CEP63: variants seen among roughly 807,000 people sequenced by gnomAD.
CEP63 encodes centrosomal protein of 63 kDa.
A neutral mutation model predicts 89.1 loss-of-function variants in CEP63; 84 were observed. That is an observed-to-expected ratio of 0.94 (90% confidence interval 0.79 to 1.13). The LOEUF (loss-of-function observed/expected upper bound fraction) is 1.13. Ranked by LOEUF, CEP63 falls within the 50% of genes most tolerant of loss-of-function variation. The probability of loss-of-function intolerance (pLI) is 0.00; values close to 1 mark genes in which losing one functional copy is unlikely to be tolerated. For synonymous variants in CEP63, 267 were observed against 272.5 expected, an observed-to-expected ratio of 0.98 and a Z score of 0.20; for missense variants, 838 against 813.3, an observed-to-expected ratio of 1.03 and a Z score of -0.37.
At chr3:134,497,980 A>G (rs1273702895) in intron 2 of CEP63, among the ~76,000 whole-genome samples, 1 of 152,132 alleles carries the variant, frequency 6.6e-6, no homozygotes, top group Non-Finnish European at 1.5e-5. Context: ...GCTTGGTAGT[A>G]TATTTTGAAG....
chr3:134,560,393 A>G (rs1957137799), intron 14 of CEP63, among the ~76,000 whole-genome samples: 1 of 152,250 alleles, frequency 6.6e-6, no homozygotes, highest in Non-Finnish European at 1.5e-5. Context: ...GCACTTCCAC[A>G]GTAATTCGTG....
At chr3:134,778,912 A>G in the CEP63 span, among the ~76,000 whole-genome samples, 1 of 152,170 alleles carries the variant, frequency 6.6e-6, no homozygotes, top group African/African-American at 2.4e-5. Context: ...CTGTCTTCTT[A>G]TGTGGCTCCA....
chr3:134,653,307 G>A, the CEP63 span, among the ~76,000 whole-genome samples: 1 of 152,178 alleles, frequency 6.6e-6, no homozygotes, highest in South Asian at 2.1e-4. Flanking sequence ...TCCAGACATT[G>A]ACCAATGTTT....
downstream of CEP63, among the ~76,000 whole-genome samples, chr3:134,578,874 A>G (rs945317475): frequency 6.6e-6 from 1 of 152,098 alleles, no homozygotes; most frequent in Non-Finnish European, 1.5e-5. Flanking sequence ...GTTCACTCTG[A>G]TGACAGTTTC....
the CEP63 span, among the ~76,000 whole-genome samples, chr3:134,682,008 A>T: frequency 6.6e-6 from 1 of 152,160 alleles, no homozygotes; most frequent in Admixed American, 6.5e-5. Context: ...GTGCCTCTGG[A>T]TCACCCAGCT....
the CEP63 span, among the ~76,000 whole-genome samples, chr3:134,751,463 T>G: frequency 6.6e-6 from 1 of 152,198 alleles, no homozygotes; most frequent in East Asian, 1.9e-4. Flanking sequence ...TTTTCATACC[T>G]CAGCCCGACC....
intron 10 of CEP63, among the ~76,000 whole-genome samples, chr3:134,585,196 G>T (rs1008557692): frequency 7.2e-5 from 11 of 151,896 alleles, no homozygotes; most frequent in African/African-American, 2.7e-4. Context: ...CTTCAGTTTT[G>T]CTCTGATCTT....
At chr3:134,673,787 C>T in the CEP63 span, among the ~76,000 whole-genome samples, 1 of 152,208 alleles carries the variant, frequency 6.6e-6, no homozygotes, top group Non-Finnish European at 1.5e-5. Context: ...GACTTATGCA[C>T]AGGCACACCA....
intron 12 of CEP63, chr3:134,552,323 C>A: frequency 5.1e-6 from 1 of 194,968 alleles, no homozygotes; most frequent in Non-Finnish European, 1.1e-5. Context: ...CCTGCCTCAG[C>A]CTCCTGAGTA....
At chr3:134,675,552 T>C in the CEP63 span, among the ~76,000 whole-genome samples, 1 of 152,174 alleles carries the variant, frequency 6.6e-6, no homozygotes, top group African/African-American at 2.4e-5. Flanking sequence ...AAAAACAAAA[T>C]GTGTTTGTGC....
chr3:134,757,721 T>G, the CEP63 span, among the ~76,000 whole-genome samples: 1 of 152,042 alleles, frequency 6.6e-6, no homozygotes, highest in Non-Finnish European at 1.5e-5. Flanking sequence ...TGGGGGGTGG[T>G]GCATGGTGCA....
chr3:134,503,165 C>T (rs1224770594), intron 2 of CEP63, among the ~76,000 whole-genome samples: 1 of 133,314 alleles, frequency 7.5e-6, no homozygotes, highest in Non-Finnish European at 1.5e-5. Context: ...TATAAACACT[C>T]CTCTTAGCAC....
intron 3 of CEP63, among the ~76,000 whole-genome samples, chr3:134,524,983 AGAATTCAGCTGT>A (rs1311615901): frequency 2.0e-5 from 3 of 152,198 alleles, no homozygotes; most frequent in Non-Finnish European, 4.4e-5. Flanking sequence ...TACATCTGGT[AGAATTCAGCTGT>A]GAATCCATCT....
At chr3:134,696,930 A>G in the CEP63 span, among the ~76,000 whole-genome samples, 196 of 152,324 alleles carry the variant, frequency 1.3e-3, no homozygotes, top group African/African-American at 4.6e-3. Flanking sequence ...TATTTATGTG[A>G]TCATTTCCTT....
chr3:134,607,810 C>T, the CEP63 span: 1 of 988,278 alleles, frequency 1.0e-6, no homozygotes, highest in Non-Finnish European at 1.2e-6. Context: ...CTATACTGCC[C>T]CAGGGGAGTG....
chr3:134,776,923 G>A, the CEP63 span, among the ~76,000 whole-genome samples: 1 of 152,330 alleles, frequency 6.6e-6, no homozygotes, highest in South Asian at 2.1e-4. Flanking sequence ...CTGTTAGGCT[G>A]AGGCTGGTGC....
chr3:134,619,203 G>A, the CEP63 span: 11 of 1,613,988 alleles, frequency 6.8e-6, no homozygotes, highest in Middle Eastern at 3.3e-4. Flanking sequence ...TTCTGGGTCC[G>A]CAGGATGTCA....
At chr3:134,654,969 A>G in the CEP63 span, among the ~76,000 whole-genome samples, 1 of 152,182 alleles carries the variant, frequency 6.6e-6, no homozygotes, top group Non-Finnish European at 1.5e-5. Flanking sequence ...TGGAAATCAT[A>G]TCAATCCCCT....
the CEP63 span, among the ~76,000 whole-genome samples, chr3:134,656,715 G>A: frequency 6.6e-6 from 1 of 152,158 alleles, no homozygotes; most frequent in Non-Finnish European, 1.5e-5. Flanking sequence ...CTCAGATGGA[G>A]AGGACAGGCA....
Sources: allele counts gnomAD v4.1 joint callset (sites outside exome capture counted in the v4.1 genomes callset), GRCh38; gene constraint gnomAD v4.1.1; transcripts MANE v1.5; gene names NCBI Gene and HGNC (gene_info 2026-07-23, HGNC 2026-07-21).